Variants in BICDL1 observed in about 807,000 individuals in gnomAD.
BICDL1 encodes BICD family like cargo adaptor 1, also known as BICD family-like cargo adapter 1.
BICDL1 carries 20 observed loss-of-function variants against 76.8 expected under a neutral mutation model. The observed-to-expected ratio is 0.26, with a 90% CI of 0.18 to 0.38. The LOEUF (loss-of-function observed/expected upper bound fraction) is 0.38, where lower values mean the gene tolerates loss of function less well. Ranked by LOEUF, BICDL1 falls within the 10% of genes least tolerant of loss-of-function variation. The pLI is 1.00. For missense variants in BICDL1, 700 were observed against 798.6 expected (o/e 0.88, Z 1.49); for synonymous variants, 383 against 337.1 (o/e 1.14, Z -1.49).
chr12:120,092,493 G>A (rs1340272107), intron 9 of BICDL1: 1 of 985,382 alleles, frequency 1.0e-6, no homozygotes, highest in Non-Finnish European at 1.2e-6. Flanking sequence ...CTGGGCATCA[G>A]TAGCTCAGGC....
At chr12:120,060,423 A>C (rs1327610197) in intron 2 of BICDL1, among the ~76,000 whole-genome samples, 1 of 152,214 alleles carries the variant, frequency 6.6e-6, no homozygotes, top group East Asian at 1.9e-4. Flanking sequence ...GAAATTGTTC[A>C]TTTCCAATAA....
chr12:119,998,807 G>T lies in BICDL1; in HGVS notation c.645+71G>T, dbSNP rs1016513297. On this transcript the variant is annotated intron_variant, in intron 2 of 9. Transcript: ENST00000548673. ...AAATAGGCTGGGCATGGAGGCTTAT[G>T]CCTGTGACGCCAGCATTTCGGGAGG... The T allele has an allele frequency of 5.6e-6, 8 of 1,424,824 alleles. No individual in the cohort carries two copies. In the African/African-American group the frequency reaches 5.7e-5, roughly 10 times the overall value. The allele number at this position is 1,424,824 out of a possible 1,614,324, so 88.3% of individuals were successfully genotyped here. A position where few individuals can be genotyped will look rare whatever the true frequency, so the allele number is the denominator to read the frequency against.
intron 2 of BICDL1, among the ~76,000 whole-genome samples, chr12:120,007,731 C>G (rs777009797): frequency 6.6e-6 from 1 of 152,222 alleles, no homozygotes; most frequent in Non-Finnish European, 1.5e-5. Context: ...ATTAGCAACT[C>G]TGCGTCTGGT....
chr12:120,047,324 T>TTTGAC (rs1363097481), intron 2 of BICDL1, among the ~76,000 whole-genome samples: 2 of 152,278 alleles, frequency 1.3e-5, no homozygotes, highest in East Asian at 3.9e-4. Context: ...ACTATTTGTT[T>TTTGAC]TTGACTTAAA....
chr12:120,067,604 A>C (rs534088079), intron 4 of BICDL1, among the ~76,000 whole-genome samples: 2 of 152,270 alleles, frequency 1.3e-5, no homozygotes, highest in East Asian at 3.9e-4. Flanking sequence ...TCAATTGTTG[A>C]CTGGAGAGTG....
intron 8 of BICDL1, among the ~76,000 whole-genome samples, chr12:120,082,491 C>T (rs1425024257): frequency 1.3e-5 from 2 of 151,812 alleles, no homozygotes; most frequent in South Asian, 4.2e-4. Flanking sequence ...TGGGCTCAAG[C>T]GATCCTCCTA....
rs201470199 is a variant in BICDL1, at chr12:119,990,113, C to G, written c.245C>G (p.Ser82Cys). Reference sequence around the variant, plus strand: ...GAACACCCTCAGGCCGAGCCTGGGTCTCTGGCCGAGGGGGCCGGACCGCAG... The same window carrying G: ...GAACACCCTCAGGCCGAGCCTGGGTGTCTGGCCGAGGGGGCCGGACCGCAG... ...PGEHPQAEPG[S>C]LAEGAGPQPP... is the part of the protein sequence containing the mutation. Residue 82 changes from serine to cysteine, a missense_variant, in exon 1 of 10, where the codon TCT becomes TGT. Ser to Cys is a moderately radical substitution (Grantham distance 112). Coordinates refer to ENST00000548673, the MANE Select transcript of BICDL1 (RefSeq NM_001367886.1). 1,344 of 1,549,598 alleles carry G rather than the reference C, an allele frequency of 8.7e-4. 1 individual carries two copies. The highest frequency in any genetic ancestry group is 1.4e-3 in the Admixed American group (71 of 50,938).
intron 2 of BICDL1, among the ~76,000 whole-genome samples, chr12:120,015,251 C>A (rs1952036849): frequency 6.6e-6 from 1 of 152,196 alleles, no homozygotes; most frequent in Admixed American, 6.5e-5. Context: ...CAGATACCTT[C>A]CTCTTTGGAA....
chr12:120,071,936 AG>A lies in BICDL1; in HGVS notation c.1089+136del. On this transcript the variant is annotated intron_variant, in intron 5 of 9. Transcript: ENST00000548673. The surrounding 1 kb of genome is among the most constrained non-coding windows in gnomAD (Gnocchi z 4.8). ...GTGTCAGCCCCTTGGCCTGCTGGCT[AG>A]AGTGTCATGAAGCAGGCCCTGATGG... 7.2e-7 allele frequency: 1 copy of A among 1,381,404 alleles called. No individual in the cohort carries two copies. The highest frequency in any genetic ancestry group is 9.4e-7 in the Non-Finnish European group (1 of 1,062,966). 85.6% of individuals were successfully genotyped at this position (1,381,404 alleles called of 1,614,324 possible). A position where few individuals can be genotyped will look rare whatever the true frequency, so the allele number is the denominator to read the frequency against.
rs567343097 is a variant in BICDL1 at position 120,032,276 on chromosome 12, G to A, written c.646-29434G>A. 2.0e-5 allele frequency among the ~76,000 whole-genome samples: 3 copies of A among 152,282 alleles called. No individual in the cohort carries two copies. In the East Asian group the frequency reaches 5.8e-4, roughly 29 times the overall value. ...ATGAATTGGGTAGCTTTGGGGTCCTGAAGAATGACAGAAACAAGGAGCAGC... is the reference window on the plus strand; with the variant it reads ...ATGAATTGGGTAGCTTTGGGGTCCTAAAGAATGACAGAAACAAGGAGCAGC... On this transcript the variant is annotated intron_variant, in intron 2 of 9. Coordinates refer to ENST00000548673, the MANE Select transcript of BICDL1 (RefSeq NM_001367886.1).
chr12:120,060,150 C>T (rs990361340), intron 2 of BICDL1, among the ~76,000 whole-genome samples: 2 of 152,208 alleles, frequency 1.3e-5, no homozygotes, highest in South Asian at 2.1e-4. Flanking sequence ...CAGTTCTTGA[C>T]ACATAGTATG....
chr12:119,999,139 A>G (rs1394689784), intron 2 of BICDL1, among the ~76,000 whole-genome samples: 1 of 151,130 alleles, frequency 6.6e-6, no homozygotes, highest in Non-Finnish European at 1.5e-5. Context: ...AGCAATTCTG[A>G]TTTTGTATGC....
intron 2 of BICDL1, among the ~76,000 whole-genome samples, chr12:120,025,599 C>T (rs1016961428): frequency 6.6e-6 from 1 of 152,202 alleles, no homozygotes; most frequent in Non-Finnish European, 1.5e-5. Context: ...AGACTCCCTA[C>T]TGCATAGCAT....
intron 2 of BICDL1, among the ~76,000 whole-genome samples, chr12:120,019,882 T>G (rs1952144036): frequency 6.6e-6 from 1 of 152,200 alleles, no homozygotes. Context: ...CTTCAGTAAT[T>G]ATAGCAAGTA....
At chr12:119,996,528 A>G (rs970714883) in intron 1 of BICDL1, among the ~76,000 whole-genome samples, 4 of 152,222 alleles carry the variant, frequency 2.6e-5, no homozygotes, top group African/African-American at 4.8e-5. Flanking sequence ...CTTCAGGTGA[A>G]TAAGAGTATA....
chr12:120,057,387 T>C (rs1479803726), intron 2 of BICDL1, among the ~76,000 whole-genome samples: 2 of 152,196 alleles, frequency 1.3e-5, no homozygotes, highest in East Asian at 3.9e-4. Flanking sequence ...GCTGTTACCC[T>C]GGCTAACTCT....
chr12:120,020,397 T>C (rs1165432257), intron 2 of BICDL1, among the ~76,000 whole-genome samples: 2 of 152,234 alleles, frequency 1.3e-5, no homozygotes, highest in East Asian at 3.8e-4. Flanking sequence ...GAGTCTGTTA[T>C]ATTGTAATAA....
intron 1 of BICDL1, among the ~76,000 whole-genome samples, chr12:119,997,703 G>A (rs530135231): frequency 2.6e-5 from 4 of 152,186 alleles, no homozygotes; most frequent in Admixed American, 6.5e-5. Flanking sequence ...TTTCTAAGAC[G>A]AGATGGTTAA....
chr12:120,009,244 C>A (rs1418106882), intron 2 of BICDL1, among the ~76,000 whole-genome samples: 4 of 152,220 alleles, frequency 2.6e-5, no homozygotes, highest in South Asian at 4.1e-4. Flanking sequence ...CCTCGGCCTC[C>A]CAAAGTGCTG....
Sources: gnomAD v4.1 joint callset for allele counts (sites outside exome capture counted in the v4.1 genomes callset) on GRCh38, gnomAD v4.1.1 for gene constraint, Gnocchi (gnomAD v3.1) non-coding constraint, MANE v1.5 for transcripts, NCBI Gene and HGNC (gene_info 2026-07-23, HGNC 2026-07-21) for gene names.